Variants in VWA8 observed in about 807,000 individuals in gnomAD.
VWA8 encodes von Willebrand factor A domain containing 8, also known as von Willebrand factor A domain-containing protein 8.
In VWA8, 221 loss-of-function variants were observed where a neutral mutation model predicts 241.5. The ratio of observed to expected loss-of-function variants is 0.91; its 90% CI spans 0.82 to 1.02. The LOEUF is 1.02. VWA8 is among the 50% of genes least tolerant of loss of function. The pLI, the probability that VWA8 is intolerant of heterozygous loss-of-function variation, is 0.00. For missense variants in VWA8, 2,322 were observed against 2,328.7 expected, an observed-to-expected ratio of 1.00 and a Z score of 0.06; for synonymous variants, 852 against 827.1, an observed-to-expected ratio of 1.03 and a Z score of -0.52.
At chr13:41,688,406 A>T (rs1236784446) in intron 34 of VWA8, among the ~76,000 whole-genome samples, 1 of 152,178 alleles carries the variant, frequency 6.6e-6, no homozygotes, top group African/African-American at 2.4e-5. Flanking sequence ...ATGGAGCTAC[A>T]TCTAAGGTTG....
At chr13:41,637,763 C>T (rs898574701) in intron 37 of VWA8, among the ~76,000 whole-genome samples, 3 of 152,078 alleles carry the variant, frequency 2.0e-5, no homozygotes, top group Non-Finnish European at 2.9e-5. Context: ...GTCTTCTTCC[C>T]CCACAATCAT....
chr13:41,760,873 T>C (rs1417198182), intron 21 of VWA8, among the ~76,000 whole-genome samples: 1 of 152,034 alleles, frequency 6.6e-6, no homozygotes, highest in African/African-American at 2.4e-5. Flanking sequence ...ATGAGATCTG[T>C]TCCTAGAATG....
In VWA8 at chr13:41,611,596, G is replaced by A. The variant is rs368404778; in HGVS notation, c.4857C>T (p.Gly1619=). The A allele has an allele frequency of 8.1e-6, 13 of 1,613,856 alleles. No homozygotes were observed. The highest frequency in any genetic ancestry group is 2.2e-5 in the East Asian group (1 of 44,892). Residue 1619 remains glycine, a synonymous_variant, in exon 39 of 45, where the codon GGC becomes GGT. Transcript: ENST00000379310. ...CTGACCTCTGCTGGAATGCTCTCTG[G>A]CCCATCTCTCTAGCAGCTCTCTTGA... is the stretch of plus-strand genomic sequence containing the variant. ...EEVKRAAREM[G]QRAFQQRLKE...
chr13:41,749,062 T>G (rs1324507783), intron 21 of VWA8, among the ~76,000 whole-genome samples: 2 of 151,972 alleles, frequency 1.3e-5, no homozygotes, highest in East Asian at 3.9e-4. Context: ...ACCATCAGAG[T>G]GAACAGGCAA....
At chr13:41,837,027 CAGATAGATGAT>C (rs1276738333) in intron 12 of VWA8, among the ~76,000 whole-genome samples, 5 of 141,388 alleles carry the variant, frequency 3.5e-5, no homozygotes, top group South Asian at 2.3e-4. Context: ...CACACACGTG[CAGATAGATGAT>C]AGATAGATAG....
intron 12 of VWA8, among the ~76,000 whole-genome samples, chr13:41,856,412 C>T (rs1052749912): frequency 6.6e-6 from 1 of 152,186 alleles, no homozygotes; most frequent in Admixed American, 6.5e-5. Context: ...CACAAACTCT[C>T]TATTCAAACT....
intron 37 of VWA8, among the ~76,000 whole-genome samples, chr13:41,631,220 G>A (rs35745343): frequency 0.031 from 4,787 of 152,016 alleles, 78 homozygotes; most frequent in South Asian, 0.064. Context: ...GGGTTTCACC[G>A]TGTTGGCCAG....
At chr13:41,594,183 A>C (rs1047055053) in intron 40 of VWA8, among the ~76,000 whole-genome samples, 2 of 151,508 alleles carry the variant, frequency 1.3e-5, no homozygotes. Flanking sequence ...TGGTACGATC[A>C]TAGCTCACTG....
intron 2 of VWA8, chr13:41,927,429 G>T: frequency 2.5e-6 from 1 of 407,890 alleles, no homozygotes; most frequent in Admixed American, 2.5e-5. Context: ...GGGAATTCTT[G>T]TGTGTTGCTT....
intron 37 of VWA8, among the ~76,000 whole-genome samples, chr13:41,650,374 A>G (rs1328584332): frequency 6.6e-6 from 1 of 152,192 alleles, no homozygotes; most frequent in African/African-American, 2.4e-5. Context: ...GGTTTTGGCT[A>G]CCTGGCTCAG....
intron 36 of VWA8, among the ~76,000 whole-genome samples, chr13:41,671,474 T>C (rs1013863880): frequency 6.6e-6 from 1 of 152,212 alleles, no homozygotes; most frequent in African/African-American, 2.4e-5. Flanking sequence ...GAAACAAAGC[T>C]GGTTTAAACT....
At chr13:41,785,453 CT>C (rs970973144) in intron 18 of VWA8, among the ~76,000 whole-genome samples, 42 of 147,644 alleles carry the variant, frequency 2.8e-4, no homozygotes, top group African/African-American at 5.7e-4. Context: ...ATTCACCCAT[CT>C]TTTTTTTTTT....
At chr13:41,899,985 G>T (rs2324823) in intron 4 of VWA8, among the ~76,000 whole-genome samples, 1 of 151,946 alleles carries the variant, frequency 6.6e-6, no homozygotes, top group African/African-American at 2.4e-5. Context: ...TTAGCTCTAC[G>T]AAGGATGAGA....
chr13:41,757,803 G>T (rs1421095777), intron 21 of VWA8, among the ~76,000 whole-genome samples: 9 of 151,654 alleles, frequency 5.9e-5, no homozygotes, highest in Non-Finnish European at 1.3e-4. Flanking sequence ...AAGAAACATG[G>T]AAAGTTGGGA....
rs2044296501 is a variant in VWA8, at chr13:41,570,808, T to TATTA, written c.5371-106_5371-103dup. 3.2e-6 allele frequency: 3 copies of TATTA among 948,848 alleles called. No homozygotes were observed. In the African/African-American group the frequency reaches 4.9e-5, roughly 16 times the overall value. 58.8% of individuals were successfully genotyped at this position (948,848 alleles called of 1,614,324 possible). On this transcript the variant is annotated intron_variant, in intron 43 of 44. Coordinates refer to ENST00000379310, the MANE Select transcript of VWA8 (RefSeq NM_015058.2). Reference sequence around the variant, plus strand: ...ACCATGAGCATGCATACATACCAATTATTACCCATGAGTAGTACATTCTAA... The same window carrying TATTA: ...ACCATGAGCATGCATACATACCAATTATTAATTACCCATGAGTAGTACATTCTAA...
intron 20 of VWA8, among the ~76,000 whole-genome samples, chr13:41,771,886 C>CTTTTTTT (rs10639837): frequency 5.0e-5 from 5 of 100,266 alleles, no homozygotes; most frequent in Non-Finnish European, 7.8e-5. Context: ...CCAGCAGGGA[C>CTTTTTTT]TTTTTTTTTT....
chr13:41,745,897 C>A (rs1318626507), intron 21 of VWA8, among the ~76,000 whole-genome samples: 1 of 151,878 alleles, frequency 6.6e-6, no homozygotes, highest in African/African-American at 2.4e-5. Context: ...AATCCCTCTT[C>A]CATCAGAATA....
chr13:41,637,989 AAC>A (rs2044770332), intron 37 of VWA8, among the ~76,000 whole-genome samples: 1 of 152,184 alleles, frequency 6.6e-6, no homozygotes, highest in African/African-American at 2.4e-5. Context: ...ACAAGATTCA[AAC>A]ACTCAAAATC....
intron 2 of VWA8, among the ~76,000 whole-genome samples, chr13:41,921,642 T>C (rs1876541110): frequency 6.6e-6 from 1 of 151,746 alleles, no homozygotes; most frequent in South Asian, 2.1e-4. Context: ...GATACACCAA[T>C]AACAGACAGA....
Sources: gnomAD v4.1 joint callset for allele counts (sites outside exome capture counted in the v4.1 genomes callset) on GRCh38, gnomAD v4.1.1 for gene constraint, MANE v1.5 for transcripts, NCBI Gene and HGNC (gene_info 2026-07-23, HGNC 2026-07-21) for gene names.